The following WWOX variants were observed in gnomAD, a reference collection of about 807,000 sequenced individuals.
WWOX encodes the protein WW domain-containing oxidoreductase.
A neutral mutation model predicts 46.2 loss-of-function variants in WWOX; 69 were observed. The ratio of observed to expected loss-of-function variants is 1.49; its 90% CI spans 1.23 to 1.82. WWOX has a LOEUF of 1.82. Ranked by LOEUF, WWOX falls within the 40% of genes most tolerant of loss-of-function variation. WWOX has a pLI of 0.00. For missense variants in WWOX, 919 were observed against 542.6 expected, an observed-to-expected ratio of 1.69 and a Z score of -6.89; for synonymous variants, 359 against 202.6, an observed-to-expected ratio of 1.77 and a Z score of -6.56.
chr16:78,111,301 T>C (rs1406035601), intron 3 of WWOX, among the ~76,000 whole-genome samples: 1 of 152,220 alleles, frequency 6.6e-6, no homozygotes. Flanking sequence ...AGGTTAGATA[T>C]GGAGATGATC....
chr16:78,768,219 T>C (rs4887981), intron 8 of WWOX, among the ~76,000 whole-genome samples: 144,371 of 146,682 alleles, frequency 0.98, 71,109 homozygotes, highest in African/African-American at 1. Context: ...AGCAACTAGG[T>C]CACAGTAGAA....
chr16:79,099,152 AACTC>A (rs2150624829), intron 8 of WWOX, among the ~76,000 whole-genome samples: 1 of 152,238 alleles, frequency 6.6e-6, no homozygotes, highest in Non-Finnish European at 1.5e-5. Context: ...ACAGAGGGAG[AACTC>A]ACTCACTACC....
chr16:78,962,877 A>G (rs1007057376), intron 8 of WWOX, among the ~76,000 whole-genome samples: 1 of 152,176 alleles, frequency 6.6e-6, no homozygotes, highest in Non-Finnish European at 1.5e-5. Flanking sequence ...CTGAATTCAT[A>G]TAAATAGTCA....
intron 5 of WWOX, among the ~76,000 whole-genome samples, chr16:78,188,582 A>G (rs1176053081): frequency 1.3e-5 from 2 of 152,156 alleles, no homozygotes; most frequent in Non-Finnish European, 2.9e-5. Flanking sequence ...CTTTACTTGA[A>G]AAATCCCAGA....
chr16:78,798,188 C>T (rs2050793720), intron 8 of WWOX, among the ~76,000 whole-genome samples: 1 of 152,092 alleles, frequency 6.6e-6, no homozygotes, highest in African/African-American at 2.4e-5. Context: ...GCACCTTTGC[C>T]ACAACGTGAG....
chr16:79,081,464 T>G (rs1239821280), intron 8 of WWOX, among the ~76,000 whole-genome samples: 1 of 152,206 alleles, frequency 6.6e-6, no homozygotes. Flanking sequence ...CTATCCTCAT[T>G]AAGCCATCTG....
chr16:78,838,197 C>T (rs910249688), intron 8 of WWOX, among the ~76,000 whole-genome samples: 6 of 151,980 alleles, frequency 3.9e-5, no homozygotes, highest in Non-Finnish European at 7.4e-5. Context: ...GGTGGTGAAG[C>T]AGAGGGATGC....
intron 8 of WWOX, among the ~76,000 whole-genome samples, chr16:79,034,172 A>G (rs949810554): frequency 2.0e-5 from 3 of 152,106 alleles, no homozygotes; most frequent in African/African-American, 7.2e-5. Flanking sequence ...CATCTATAAC[A>G]TTTCCCACAT....
chr16:79,013,150 G>C (rs1267060041), intron 8 of WWOX, among the ~76,000 whole-genome samples: 2 of 152,208 alleles, frequency 1.3e-5, no homozygotes, highest in Non-Finnish European at 2.9e-5. Context: ...CCCTGCCCTG[G>C]TCTGAAAGCT....
chr16:78,600,071 G>C (rs1254056367), intron 8 of WWOX, among the ~76,000 whole-genome samples: 1 of 152,110 alleles, frequency 6.6e-6, no homozygotes, highest in African/African-American at 2.4e-5. Context: ...TATCTTACAT[G>C]GTTGGCAGCA....
chr16:78,531,041 C>T (rs1455149776), intron 8 of WWOX, among the ~76,000 whole-genome samples: 1 of 152,198 alleles, frequency 6.6e-6, no homozygotes, highest in African/African-American at 2.4e-5. Flanking sequence ...TCTCCATTAA[C>T]TGTCCTTGTT....
intron 5 of WWOX, among the ~76,000 whole-genome samples, chr16:78,331,512 C>G (rs961499662): frequency 2.6e-5 from 4 of 152,160 alleles, no homozygotes; most frequent in Non-Finnish European, 5.9e-5. Flanking sequence ...TTTGTCCATT[C>G]ATTTTGCTTT....
intron 8 of WWOX, among the ~76,000 whole-genome samples, chr16:78,720,748 T>A (rs911274250): frequency 6.6e-6 from 1 of 152,156 alleles, no homozygotes; most frequent in Admixed American, 6.5e-5. Context: ...GCTTGTCTCT[T>A]CTAGAATTTA....
At chr16:78,294,043 C>T (rs924699222) in intron 5 of WWOX, among the ~76,000 whole-genome samples, 14 of 145,588 alleles carry the variant, frequency 9.6e-5, no homozygotes, top group Admixed American at 1.4e-4. Context: ...CAGGCCTCTT[C>T]GGATCCCTTC....
At chr16:78,506,883 T>G (rs1220582212) in intron 8 of WWOX, among the ~76,000 whole-genome samples, 1 of 152,044 alleles carries the variant, frequency 6.6e-6, no homozygotes, top group African/African-American at 2.4e-5. Context: ...TGGCTAATTT[T>G]TTGTATTTTT....
chr16:78,532,024 G>C (rs554476395), intron 8 of WWOX, among the ~76,000 whole-genome samples: 158 of 151,760 alleles, frequency 1.0e-3, no homozygotes, highest in Non-Finnish European at 2.0e-3. Flanking sequence ...GTTAGAGACA[G>C]GATCTGTAGG....
intron 8 of WWOX, among the ~76,000 whole-genome samples, chr16:79,174,648 C>G (rs2050765547): frequency 6.6e-6 from 1 of 152,110 alleles, no homozygotes; most frequent in Admixed American, 6.6e-5. Context: ...AACTCCATCT[C>G]AAAAACAAAA....
chr16:78,900,630 C>T (rs866673466), intron 8 of WWOX, among the ~76,000 whole-genome samples: 1 of 152,096 alleles, frequency 6.6e-6, no homozygotes, highest in Admixed American at 6.6e-5. Flanking sequence ...TTCTTTCCAG[C>T]CTGTCTTTCC....
chr16:78,381,886 C>T (rs1398724063), intron 5 of WWOX, among the ~76,000 whole-genome samples: 1 of 151,958 alleles, frequency 6.6e-6, no homozygotes, highest in Non-Finnish European at 1.5e-5. Flanking sequence ...CTTTTTTACT[C>T]AGACAGTCTT....
Sources: gnomAD v4.1 joint callset for allele counts (sites outside exome capture counted in the v4.1 genomes callset) on GRCh38, gnomAD v4.1.1 for gene constraint, MANE v1.5 for transcripts, NCBI Gene and HGNC (gene_info 2026-07-23, HGNC 2026-07-21) for gene names.